LGSN: variants seen among roughly 807,000 people sequenced by gnomAD.
LGSN encodes the protein lengsin, lens protein with glutamine synthetase domain, also known as lengsin.
In LGSN, 21 loss-of-function variants were observed where a neutral mutation model predicts 19.5. The ratio of observed to expected loss-of-function variants is 1.07; its 90% confidence interval spans 0.76 to 1.55. The LOEUF is 1.55. LGSN is among the 40% of genes most tolerant of loss of function. LGSN has a pLI of 0.00. For synonymous variants in LGSN, 257 were observed against 215.6 expected (o/e 1.19, Z -1.68); for missense variants, 673 against 608.5 (o/e 1.11, Z -1.12).
At chr6:63,423,962 C>T in the LGSN span, among the ~76,000 whole-genome samples, 3 of 152,136 alleles carry the variant, frequency 2.0e-5, no homozygotes, top group Non-Finnish European at 4.4e-5. Flanking sequence ...ATCACTTGAA[C>T]CTGGGAGGCG....
At chr6:63,320,573 A>G (rs146821656), upstream of LGSN, among the ~76,000 whole-genome samples, 444 of 152,276 alleles carry the variant, frequency 2.9e-3, 2 homozygotes, top group African/African-American at 0.01. Flanking sequence ...TGCACAATGA[A>G]CACAGAATCA....
intron 1 of LGSN, among the ~76,000 whole-genome samples, chr6:63,302,211 T>C (rs1290393780): frequency 6.6e-6 from 1 of 152,204 alleles, no homozygotes; most frequent in Non-Finnish European, 1.5e-5. Context: ...TTCTGATATG[T>C]CTTAGTATAT....
chr6:63,297,067 C>A (rs903438285), intron 1 of LGSN, among the ~76,000 whole-genome samples: 1 of 151,972 alleles, frequency 6.6e-6, no homozygotes, highest in Non-Finnish European at 1.5e-5. Context: ...ACTGACCAGG[C>A]GCGGTGGCTC....
At chr6:63,438,668 C>T in the LGSN span, among the ~76,000 whole-genome samples, 3 of 152,156 alleles carry the variant, frequency 2.0e-5, no homozygotes, top group Non-Finnish European at 4.4e-5. Flanking sequence ...CCATCTCACA[C>T]CAGTTAGAAT....
rs765403875 is a variant in LGSN at position 63,285,706 on chromosome 6, A to T, written c.211T>A (p.Ser71Thr). The T allele has an allele frequency of 1.2e-6, 2 of 1,614,068 alleles. No homozygotes were observed. The highest frequency in any genetic ancestry group is 1.7e-6 in the Non-Finnish European group (2 of 1,179,964). ...SQILTPPQLS[S>T]RMKHIRQAMA... Reference sequence around the variant, plus strand: ...GCTTGTCTAATGTGTTTCATTCTAGAAGAGAGTTGAGGTGGGGTCAAAATT... The same window carrying T: ...GCTTGTCTAATGTGTTTCATTCTAGTAGAGAGTTGAGGTGGGGTCAAAATT... Residue 71 changes from serine to threonine, a missense_variant, in exon 3 of 4, where the codon TCT (serine) becomes ACT (threonine). By Grantham distance (58) the Ser-to-Thr change is moderately conservative (BLOSUM62 1). Transcript: ENST00000370657.
the LGSN span, among the ~76,000 whole-genome samples, chr6:63,496,901 A>G: frequency 1.3e-5 from 2 of 152,156 alleles, no homozygotes; most frequent in African/African-American, 2.4e-5. Context: ...CCTTGCCTGT[A>G]TAGGATCCAA....
At chr6:63,337,070 C>T in the LGSN span, among the ~76,000 whole-genome samples, 6 of 151,368 alleles carry the variant, frequency 4.0e-5, no homozygotes, top group East Asian at 2.0e-4. Flanking sequence ...ATTACAGGCA[C>T]GCACCACCAT....
chr6:63,292,547 G>T (rs1438960603), intron 2 of LGSN, among the ~76,000 whole-genome samples: 1 of 152,134 alleles, frequency 6.6e-6, no homozygotes, highest in Non-Finnish European at 1.5e-5. Flanking sequence ...GTAACTGCTT[G>T]ATCCCCAAAG....
the LGSN span, among the ~76,000 whole-genome samples, chr6:63,510,473 G>GT: frequency 1.2e-5 from 1 of 82,362 alleles, no homozygotes; most frequent in Non-Finnish European, 2.6e-5. Context: ...TTTTTTTTTA[G>GT]TTTTTTAAAC....
chr6:63,497,918 C>CTTTTTTTTTTTTTTTT, the LGSN span, among the ~76,000 whole-genome samples: 142 of 121,826 alleles, frequency 1.2e-3, 2 homozygotes, highest in African/African-American at 2.3e-3. Flanking sequence ...TGTCATGTTT[C>CTTTTTTTTTTTTTTTT]TTTTTTTTTT....
rs1381216132 is a variant in LGSN, at chr6:63,315,616, C to CTGTG, written c.30+4297_30+4298insCACA. On this transcript the variant is annotated intron_variant, in intron 1 of 3. Coordinates refer to ENST00000370657, the MANE Select transcript of LGSN (RefSeq NM_016571.3). ...TAGCTAAAATGTTCTCTCTCTCTCT[C>CTGTG]TCTGTGTGTGTGTGTGTGTGTGTGT... Among the ~76,000 whole-genome samples the CTGTG allele has an allele frequency of 7.7e-4, 88 of 114,770 alleles. No individual in the cohort carries two copies. In the South Asian group the frequency reaches 9.7e-3, roughly 13 times the overall value. 75.3% of individuals were successfully genotyped at this position (114,770 alleles called of 152,430 possible).
chr6:63,343,587 A>C, the LGSN span, among the ~76,000 whole-genome samples: 1 of 152,180 alleles, frequency 6.6e-6, no homozygotes, highest in East Asian at 1.9e-4. Context: ...AAGGAAGAGT[A>C]TCAGAACTTC....
the LGSN span, among the ~76,000 whole-genome samples, chr6:63,533,518 A>C: frequency 2.6e-4 from 39 of 152,240 alleles, no homozygotes; most frequent in Non-Finnish European, 4.4e-4. Context: ...ATTCACAGTG[A>C]GTTTGCTCAA....
chr6:63,415,321 A>G, the LGSN span, among the ~76,000 whole-genome samples: 1 of 152,184 alleles, frequency 6.6e-6, no homozygotes, highest in Non-Finnish European at 1.5e-5. Flanking sequence ...ACTCCATTTC[A>G]AAAAATAAAA....
At chr6:63,552,193 C>T in the LGSN span, among the ~76,000 whole-genome samples, 1 of 152,312 alleles carries the variant, frequency 6.6e-6, no homozygotes, top group East Asian at 1.9e-4. Flanking sequence ...TCCACATCCT[C>T]TCCAGCACCT....
the LGSN span, among the ~76,000 whole-genome samples, chr6:63,346,651 G>C: frequency 6.6e-6 from 1 of 152,180 alleles, no homozygotes; most frequent in Admixed American, 6.5e-5. Context: ...TAGCCAGCCG[G>C]TCAGAAGTTC....
At chr6:63,429,126 A>T in the LGSN span, among the ~76,000 whole-genome samples, 1 of 152,232 alleles carries the variant, frequency 6.6e-6, no homozygotes, top group South Asian at 2.1e-4. Context: ...CCATTAGCAC[A>T]AAGTCTGCAG....
At chr6:63,494,170 G>A in the LGSN span, among the ~76,000 whole-genome samples, 25 of 151,974 alleles carry the variant, frequency 1.6e-4, no homozygotes, top group Admixed American at 1.1e-3. Context: ...AGCTGGTCTC[G>A]AATTTCTGAC....
At chr6:63,399,818 C>G in the LGSN span, among the ~76,000 whole-genome samples, 1 of 152,142 alleles carries the variant, frequency 6.6e-6, no homozygotes, top group African/African-American at 2.4e-5. Context: ...ACCTCAGCCT[C>G]CTGAGTAGCT....
Sources: allele counts gnomAD v4.1 joint callset (sites outside exome capture counted in the v4.1 genomes callset), GRCh38; gene constraint gnomAD v4.1.1; transcripts MANE v1.5; gene names NCBI Gene and HGNC (gene_info 2026-07-23, HGNC 2026-07-21).